The following HSPBAP1 variants were observed in gnomAD, a reference collection of about 807,000 sequenced individuals.
The protein encoded by HSPBAP1 is HSPB1-associated protein 1.
In HSPBAP1, 27 loss-of-function variants were observed where a neutral mutation model predicts 45.2. The ratio of observed to expected loss-of-function variants is 0.60; its 90% CI spans 0.44 to 0.82. The LOEUF is 0.82. Ranked by LOEUF, HSPBAP1 falls within the 40% of genes least tolerant of loss-of-function variation. The pLI is 0.00. For synonymous variants in HSPBAP1, 204 were observed against 202.7 expected (o/e 1.01, Z -0.06); for missense variants, 510 against 590.9 (o/e 0.86, Z 1.42).
chr3:122,756,698 T>TA (rs755437040), intron 4 of HSPBAP1, among the ~76,000 whole-genome samples: 7,556 of 115,060 alleles, frequency 0.066, 249 homozygotes, highest in Middle Eastern at 0.1. Context: ...ACCTTGTATC[T>TA]AAAAAAAAAA....
chr3:122,788,386 C>T (rs976757814), intron 1 of HSPBAP1, among the ~76,000 whole-genome samples: 6 of 152,124 alleles, frequency 3.9e-5, no homozygotes, highest in Non-Finnish European at 8.8e-5. Context: ...CAAATGTTTC[C>T]ATTGAACCCC....
intron 1 of HSPBAP1, among the ~76,000 whole-genome samples, chr3:122,789,222 A>AT (rs1358704971): frequency 2.0e-5 from 3 of 152,244 alleles, no homozygotes; most frequent in African/African-American, 7.2e-5. Context: ...GTGAAAATCA[A>AT]TTCCATACAA....
In HSPBAP1 at chr3:122,740,888, A is replaced by C. The variant is rs1933644272; in HGVS notation, c.937-13T>G. 1 of 1,611,950 alleles carries C rather than the reference A, an allele frequency of 6.2e-7. No homozygotes were observed. Among genetic ancestry groups the C allele is most frequent in the African/African-American group, 1.3e-5 (1 of 74,718 alleles). On this transcript the variant is annotated splice_polypyrimidine_tract_variant and intron_variant, in intron 7 of 7. Coordinates refer to ENST00000306103, the MANE Select transcript of HSPBAP1 (RefSeq NM_024610.6). ...ACGTTTCCTCAACCTAAGGGAAGAGAAAAACCTTTTAAAATGGTTACATAC... is the reference window on the plus strand; with the variant it reads ...ACGTTTCCTCAACCTAAGGGAAGAGCAAAACCTTTTAAAATGGTTACATAC...
intron 5 of HSPBAP1, chr3:122,754,684 A>G: frequency 1.0e-6 from 1 of 985,346 alleles, no homozygotes; most frequent in Non-Finnish European, 1.2e-6. Context: ...ATGAAATATC[A>G]GACAGCAAGT....
At chr3:122,765,574 C>G (rs1291152511) in intron 3 of HSPBAP1, among the ~76,000 whole-genome samples, 1 of 134,838 alleles carries the variant, frequency 7.4e-6, no homozygotes, top group East Asian at 2.1e-4. Flanking sequence ...GAGTCAGACT[C>G]TGTCTCAAAA....
intron 2 of HSPBAP1, among the ~76,000 whole-genome samples, chr3:122,770,034 CT>C (rs1934932509): frequency 6.6e-6 from 1 of 152,196 alleles, no homozygotes; most frequent in Admixed American, 6.5e-5. Flanking sequence ...ACTTGGAACC[CT>C]TTAAAAGTTA....
chr3:122,741,169 AT>A, intron 6 of HSPBAP1, 56 bp from the exon 7 acceptor site: 2 of 1,236,322 alleles, frequency 1.6e-6, no homozygotes, highest in Non-Finnish European at 2.4e-6. Flanking sequence ...TTTTTAAGAG[AT>A]AATAAAGTCT....
intron 1 of HSPBAP1, among the ~76,000 whole-genome samples, chr3:122,792,436 T>C (rs543829321): frequency 5.9e-4 from 90 of 152,068 alleles, no homozygotes; most frequent in Non-Finnish European, 1.2e-3. Context: ...AATGGAGGTA[T>C]AGATGAAGGT....
intron 2 of HSPBAP1, among the ~76,000 whole-genome samples, chr3:122,771,910 T>C (rs1560146639): frequency 6.6e-6 from 1 of 152,230 alleles, no homozygotes; most frequent in Admixed American, 6.5e-5. Context: ...AAGTTATCCT[T>C]ACTTTTAAAA....
At chr3:122,777,042 T>C (rs910488163) in intron 2 of HSPBAP1, among the ~76,000 whole-genome samples, 1 of 152,238 alleles carries the variant, frequency 6.6e-6, no homozygotes, top group African/African-American at 2.4e-5. Context: ...GATTAGAAAC[T>C]GTAATTTTAG....
At chr3:122,770,411 A>C (rs1208995226) in intron 2 of HSPBAP1, among the ~76,000 whole-genome samples, 3 of 152,176 alleles carry the variant, frequency 2.0e-5, no homozygotes, top group Non-Finnish European at 2.9e-5. Flanking sequence ...TTAACATACC[A>C]ACATTGGCCA....
intron 5 of HSPBAP1, chr3:122,754,876 T>C (rs1934287820): frequency 2.0e-6 from 2 of 993,078 alleles, no homozygotes; most frequent in Non-Finnish European, 2.4e-6. Context: ...TTTATGTGTC[T>C]GGGTTCAGTG....
rs149768235 is a variant in HSPBAP1 at position 122,748,790 on chromosome 3, T to C, written c.825+3801A>G. Among the ~76,000 whole-genome samples the C allele has an allele frequency of 4.5e-3, 682 of 152,288 alleles. 5 individuals carry two copies. The highest frequency in any genetic ancestry group is 0.016 in the African/African-American group (655 of 41,554). On this transcript the variant is annotated intron_variant, in intron 6 of 7. Transcript: ENST00000306103. Reference sequence around the variant, plus strand: ...AATATAAAACAACATATGCACAAGGTTATTCAGTGGCATTATTTGTAATTA... The same window carrying C: ...AATATAAAACAACATATGCACAAGGCTATTCAGTGGCATTATTTGTAATTA...
intron 4 of HSPBAP1, among the ~76,000 whole-genome samples, chr3:122,756,662 C>A (rs1047369277): frequency 6.7e-6 from 1 of 150,188 alleles, no homozygotes; most frequent in African/African-American, 2.5e-5. Context: ...TGTGCCACTG[C>A]ACTCCAGCCT....
intron 4 of HSPBAP1, chr3:122,758,839 C>T: frequency 4.4e-6 from 2 of 453,886 alleles, no homozygotes; most frequent in South Asian, 3.1e-5. Flanking sequence ...TATGATCATG[C>T]CATTGCACTC....
chr3:122,777,985 A>G lies in HSPBAP1; in HGVS notation c.65-79T>C, dbSNP rs901499833. ...ACAATATGGAGAAAAAATAGCTAAT[A>G]TTGTTTTTATCATGGCAAATCATTC... On this transcript the variant is annotated intron_variant, in intron 1 of 7. Coordinates refer to ENST00000306103, the MANE Select transcript of HSPBAP1 (RefSeq NM_024610.6). 5.5e-6 allele frequency: 5 copies of G among 903,430 alleles called. No individual in the cohort carries two copies. The African/African-American group carries it at 8.4e-5, about 15-fold the overall frequency. The allele number at this position is 903,430 out of a possible 1,614,324, so 56.0% of individuals were successfully genotyped here.
chr3:122,777,102 C>G (rs1027171108), intron 2 of HSPBAP1, among the ~76,000 whole-genome samples: 7 of 152,026 alleles, frequency 4.6e-5, no homozygotes, highest in Non-Finnish European at 8.8e-5. Flanking sequence ...ATTGCTTTAT[C>G]TGAAAATAGG....
chr3:122,747,629 G>T (rs1320192605), intron 6 of HSPBAP1, among the ~76,000 whole-genome samples: 1 of 149,162 alleles, frequency 6.7e-6, no homozygotes, highest in African/African-American at 2.5e-5. Context: ...TGGGAGGGAG[G>T]TGGGGGGGTC....
intron 2 of HSPBAP1, among the ~76,000 whole-genome samples, chr3:122,769,789 C>T (rs1228189955): frequency 2.0e-5 from 3 of 152,214 alleles, no homozygotes; most frequent in South Asian, 2.1e-4. Context: ...AAGCAATCCT[C>T]GCGTCTCAGC....
Sources: allele counts gnomAD v4.1 joint callset (sites outside exome capture counted in the v4.1 genomes callset), GRCh38; gene constraint gnomAD v4.1.1; transcripts MANE v1.5; gene names NCBI Gene and HGNC (gene_info 2026-07-23, HGNC 2026-07-21).